Variants in SLCO3A1 observed in about 807,000 individuals in gnomAD.
SLCO3A1 encodes the protein PGE1 transporter.
SLCO3A1 carries 27 observed loss-of-function variants against 63.1 expected under a neutral mutation model. The ratio of observed to expected loss-of-function variants is 0.43; its 90% CI spans 0.32 to 0.59. The LOEUF is 0.59. Ranked by LOEUF, SLCO3A1 falls within the 20% of genes least tolerant of loss-of-function variation. The probability of loss-of-function intolerance (pLI) is 0.09; values close to 1 mark genes in which losing one functional copy is unlikely to be tolerated. For missense variants in SLCO3A1, 773 were observed against 945.8 expected (o/e 0.82, Z 2.40); for synonymous variants, 473 against 409.9 (o/e 1.15, Z -1.86).
At chr15:91,953,597 A>G (rs1900070696) in intron 2 of SLCO3A1, among the ~76,000 whole-genome samples, 1 of 152,128 alleles carries the variant, frequency 6.6e-6, no homozygotes, top group Non-Finnish European at 1.5e-5. Context: ...CGTGGAAGGG[A>G]ACTGCGCGAA....
chr15:92,128,092 C>A (rs2047947260), intron 6 of SLCO3A1, among the ~76,000 whole-genome samples: 1 of 152,136 alleles, frequency 6.6e-6, no homozygotes, highest in Non-Finnish European at 1.5e-5. Flanking sequence ...GGACTCAGCT[C>A]CCACCCAGCC....
intron 4 of SLCO3A1, among the ~76,000 whole-genome samples, chr15:92,115,341 C>T (rs79693102): frequency 2.0e-5 from 3 of 151,932 alleles, no homozygotes; most frequent in Admixed American, 2.0e-4. Flanking sequence ...CCCACTTCAC[C>T]TTCTTTCCCT....
At chr15:91,870,493 A>G (rs941443313) in intron 1 of SLCO3A1, among the ~76,000 whole-genome samples, 2 of 152,214 alleles carry the variant, frequency 1.3e-5, no homozygotes, top group African/African-American at 2.4e-5. Flanking sequence ...ATTCTGATGT[A>G]TATTACTGCT....
At chr15:92,139,824 C>T (rs908109298) in intron 7 of SLCO3A1, among the ~76,000 whole-genome samples, 1 of 150,400 alleles carries the variant, frequency 6.6e-6, no homozygotes, top group Admixed American at 6.6e-5. Context: ...GTGGTGATAT[C>T]CCCTTTATCA....
intron 1 of SLCO3A1, among the ~76,000 whole-genome samples, chr15:91,880,119 GTCCGTCCGTCCGTCCA>G (rs1427039534): frequency 2.6e-4 from 31 of 120,518 alleles, no homozygotes; most frequent in Admixed American, 2.1e-3. Context: ...CCGTCCGTCC[GTCCGTCCGTCCGTCCA>G]TCCATCCATC....
chr15:92,139,331 T>C (rs1286871960), intron 7 of SLCO3A1, among the ~76,000 whole-genome samples: 4 of 150,854 alleles, frequency 2.7e-5, no homozygotes, highest in Admixed American at 2.0e-4. Context: ...GAAGCCCACT[T>C]GATCATGGTG....
At chr15:91,976,516 A>G (rs1901115902) in intron 2 of SLCO3A1, among the ~76,000 whole-genome samples, 1 of 152,168 alleles carries the variant, frequency 6.6e-6, no homozygotes, top group South Asian at 2.1e-4. Flanking sequence ...TGCATTCTGT[A>G]CGTGCCATTG....
intron 2 of SLCO3A1, among the ~76,000 whole-genome samples, chr15:92,065,070 T>TTTTGTTTGTTTG (rs35791741): frequency 0.1 from 15,243 of 150,896 alleles, 860 homozygotes; most frequent in East Asian, 0.22. Context: ...TACCCACGTT[T>TTTTGTTTGTTTG]TTTGTTTGTT....
At chr15:92,026,828 C>A (rs1165072301) in intron 2 of SLCO3A1, among the ~76,000 whole-genome samples, 1 of 152,196 alleles carries the variant, frequency 6.6e-6, no homozygotes, top group African/African-American at 2.4e-5. Flanking sequence ...GTGGCTCACA[C>A]CTGTAATCCC....
intron 2 of SLCO3A1, among the ~76,000 whole-genome samples, chr15:91,989,873 A>G (rs1485961677): frequency 6.6e-6 from 1 of 152,236 alleles, no homozygotes; most frequent in Non-Finnish European, 1.5e-5. Flanking sequence ...CTCAGTTCTA[A>G]CATAATCACT....
At chr15:92,132,221 C>A (rs1431468092) in intron 7 of SLCO3A1, among the ~76,000 whole-genome samples, 2 of 146,146 alleles carry the variant, frequency 1.4e-5, no homozygotes, top group African/African-American at 2.5e-5. Context: ...TGAAAATTCC[C>A]CATAACTCAA....
In SLCO3A1 at chr15:92,037,480, A is replaced by G. The variant is rs145397400; in HGVS notation, c.647-57401A>G. Among the ~76,000 whole-genome samples the G allele has an allele frequency of 1.4e-3, 211 of 152,338 alleles. 1 individual carries two copies. Among genetic ancestry groups the G allele is most frequent in the South Asian group, 9.5e-3 (46 of 4,828 alleles). On this transcript the variant is annotated intron_variant, in intron 2 of 9. Transcript: ENST00000318445. ...CAGTGCAAAATGAAGTCATGTGTCC[A>G]TATAACAGGGAGTCAGCTTCTAGAA...
In SLCO3A1 at chr15:92,163,546, TA is replaced by T. The variant is rs1385219276; in HGVS notation, c.*419del. On this transcript the variant is annotated 3_prime_UTR_variant, in exon 10 of 10. Coordinates refer to ENST00000318445, the MANE Select transcript of SLCO3A1 (RefSeq NM_013272.4). ...ATTTTTTAAAAGAAGTTTCCTAAAA[TA>T]AAAAAAATTAAAAAAAAAAAACCCA... 3.4e-6 allele frequency: 3 copies of T among 889,170 alleles called. No homozygotes were observed. The highest frequency in any genetic ancestry group is 3.1e-4 in the Admixed American group (2 of 6,484). The allele number at this position is 889,170 out of a possible 1,614,324, so 55.1% of individuals were successfully genotyped here.
chr15:91,925,818 A>G (rs934323384), intron 2 of SLCO3A1, among the ~76,000 whole-genome samples: 1 of 152,214 alleles, frequency 6.6e-6, no homozygotes, highest in African/African-American at 2.4e-5. Context: ...AGGAAAAGGG[A>G]GAGCAAAAGG....
chr15:92,020,417 TAA>T (rs2046494520), intron 2 of SLCO3A1, among the ~76,000 whole-genome samples: 1 of 152,228 alleles, frequency 6.6e-6, no homozygotes. Context: ...GCAGAAACAC[TAA>T]ATTCCTGAAA....
At chr15:92,074,779 G>T (rs758178317) in intron 2 of SLCO3A1, among the ~76,000 whole-genome samples, 163 of 82,120 alleles carry the variant, frequency 2.0e-3, no homozygotes, top group Admixed American at 3.6e-3. Flanking sequence ...CAAGCAGGGC[G>T]GTGGGGGGTG....
At chr15:92,028,284 C>T (rs1488962399) in intron 2 of SLCO3A1, among the ~76,000 whole-genome samples, 1 of 152,056 alleles carries the variant, frequency 6.6e-6, no homozygotes, top group Non-Finnish European at 1.5e-5. Context: ...AGTCCAAATC[C>T]GAGGCCTCCA....
rs2046675735 is a variant in SLCO3A1 at position 92,033,088 on chromosome 15, C to T, written c.647-61793C>T. Among the ~76,000 whole-genome samples the T allele has an allele frequency of 6.6e-6, 1 of 152,040 alleles. No homozygotes were observed. The highest frequency in any genetic ancestry group is 2.1e-4 in the South Asian group (1 of 4,824). On this transcript the variant is annotated intron_variant, in intron 2 of 9. Coordinates refer to ENST00000318445, the MANE Select transcript of SLCO3A1 (RefSeq NM_013272.4). The surrounding 1 kb of genome is among the most constrained non-coding windows in gnomAD (Gnocchi z 4.5). ...GGTATGTACAGGAAACTTTGTGATG[C>T]TATCTTATTTATATAGAATTTTAGA...
At chr15:91,930,112 T>C (rs1030585378) in intron 2 of SLCO3A1, among the ~76,000 whole-genome samples, 1 of 152,158 alleles carries the variant, frequency 6.6e-6, no homozygotes, top group Non-Finnish European at 1.5e-5. Flanking sequence ...TTCTCCCAGG[T>C]TTGCCTTATT....
Sources: gnomAD v4.1 joint callset for allele counts (sites outside exome capture counted in the v4.1 genomes callset) on GRCh38, gnomAD v4.1.1 for gene constraint, Gnocchi (gnomAD v3.1) non-coding constraint, MANE v1.5 for transcripts, NCBI Gene and HGNC (gene_info 2026-07-23, HGNC 2026-07-21) for gene names.